The following PDE4A variants were observed in gnomAD, a reference collection of about 807,000 sequenced individuals.
PDE4A encodes phosphodiesterase 4A, also known as 3',5'-cyclic-AMP phosphodiesterase 4A.
A neutral mutation model predicts 73.9 loss-of-function variants in PDE4A; 21 were observed. The ratio of observed to expected loss-of-function variants is 0.28; its 90% confidence interval spans 0.20 to 0.41. The LOEUF is 0.41. Ranked by LOEUF, PDE4A falls within the 10% of genes least tolerant of loss-of-function variation. PDE4A has a pLI of 1.00. For synonymous variants in PDE4A, 463 were observed against 505.4 expected (o/e 0.92, Z 1.13); for missense variants, 958 against 1,211.4 (o/e 0.79, Z 3.10).
chr19:10,432,695 G>A (rs2042812109), intron 1 of PDE4A: 2 of 915,438 alleles, frequency 2.2e-6, no homozygotes, highest in African/African-American at 3.6e-5. Flanking sequence ...ATCTGGCTGG[G>A]GCCCCACCCC....
chr19:10,421,386 GCAGAA>G, intron 1 of PDE4A: 1 of 969,942 alleles, frequency 1.0e-6, no homozygotes, highest in Non-Finnish European at 1.2e-6. Flanking sequence ...TGGTGACAGT[GCAGAA>G]CAGCTGCTAA....
intron 10 of PDE4A, 64 bp downstream of exon 10, chr19:10,459,823 G>C: frequency 1.3e-6 from 2 of 1,525,084 alleles, no homozygotes; most frequent in Non-Finnish European, 8.9e-7. Context: ...TCAGCCTCCT[G>C]TGTGTCTCTC....
At chr19:10,427,729 C>G (rs2042735715) in intron 1 of PDE4A, 1 of 948,288 alleles carries the variant, frequency 1.1e-6, no homozygotes, top group African/African-American at 1.8e-5. Flanking sequence ...CCTTGGCTTC[C>G]CCGTCTCTGA....
chr19:10,421,061 C>A lies in PDE4A; in HGVS notation c.297C>A (p.Gly99=). Residue 99 remains glycine, a synonymous_variant, in exon 1 of 15, where the codon GGC becomes GGA. Transcript: ENST00000380702. The part of the protein sequence containing the change: ...SFHGTGTGSG[G]AGGGSSRRFE... Reference sequence around the variant, plus strand: ...ATGGCACTGGCACCGGCAGCGGCGGCGCGGGCGGAGGCAGCAGCAGGCGGT... The same window carrying A: ...ATGGCACTGGCACCGGCAGCGGCGGAGCGGGCGGAGGCAGCAGCAGGCGGT... 1 of 1,382,886 alleles carries A rather than the reference C, an allele frequency of 7.2e-7. No homozygotes were observed. Among genetic ancestry groups the A allele is most frequent in the Non-Finnish European group, 9.3e-7 (1 of 1,077,724 alleles). The allele number at this position is 1,382,886 out of a possible 1,614,324, so 85.7% of individuals were successfully genotyped here.
chr19:10,463,727 C>G, intron 13 of PDE4A, 66 bp from the exon 14 acceptor site: 1 of 1,590,706 alleles, frequency 6.3e-7, no homozygotes, highest in Non-Finnish European at 8.6e-7. Context: ...GAAGGAATGC[C>G]TGAGGTCTCA....
chr19:10,459,840 T>A, intron 10 of PDE4A, 81 bp downstream of exon 10: 1 of 1,442,658 alleles, frequency 6.9e-7, no homozygotes, highest in Non-Finnish European at 9.4e-7. Context: ...TCTCTGACCC[T>A]GTGTCTCTGA....
chr19:10,435,561 A>AACACACACACAC (rs35022243), intron 1 of PDE4A, among the ~76,000 whole-genome samples: 39 of 145,444 alleles, frequency 2.7e-4, no homozygotes, highest in African/African-American at 9.9e-4. Flanking sequence ...ACCCTGTATC[A>AACACACACACAC]ACACACACAC....
chr19:10,454,281 C>T (rs1407395533), intron 6 of PDE4A, among the ~76,000 whole-genome samples: 3 of 152,192 alleles, frequency 2.0e-5, no homozygotes, highest in Non-Finnish European at 4.4e-5. Context: ...CAGAGCTTGG[C>T]TACCACGTTC....
chr19:10,425,134 G>C (rs2042700807), intron 1 of PDE4A, among the ~76,000 whole-genome samples: 1 of 151,818 alleles, frequency 6.6e-6, no homozygotes, highest in South Asian at 2.1e-4. Context: ...TGAGGCAGGA[G>C]AATCGCTTGA....
At position 10,458,218 on chromosome 19, in the gene PDE4A, G is replaced by T. The variant is rs575536432; in HGVS notation, c.1101+116G>T. On this transcript the variant is annotated intron_variant, in intron 8 of 14. Coordinates refer to ENST00000380702, the MANE Select transcript of PDE4A (RefSeq NM_001111307.2). This position sits in a 1 kb window ranked among gnomAD's most constrained non-coding sequence, Gnocchi z 4.6. ...GTTTCCCAGAAGCAGAGCTTGAGAT[G>T]AGGGTTTGAGCCCATCTTGAGGCAA... The T allele has an allele frequency of 3.1e-6, 3 of 957,362 alleles. No homozygotes were observed. The highest frequency in any genetic ancestry group is 4.5e-5 in the Admixed American group (2 of 44,100). 59.3% of individuals were successfully genotyped at this position (957,362 alleles called of 1,614,324 possible).
intron 7 of PDE4A, among the ~76,000 whole-genome samples, chr19:10,455,391 G>C (rs899850140): frequency 3.3e-5 from 5 of 152,024 alleles, no homozygotes; most frequent in East Asian, 1.9e-4. Flanking sequence ...TTGAACCCAG[G>C]GGGTGGAGGT....
In PDE4A at chr19:10,420,740, T is replaced by G; in HGVS notation, c.-25T>G. ...GTAGGTTGGAAGGGCCAGGGCCCCC[T>G]GGGGCGCAAGTGGGGGCCGGCGCCA... On this transcript the variant is annotated 5_prime_UTR_variant, in exon 1 of 15. Transcript: ENST00000380702. This position sits in a 1 kb window ranked among gnomAD's most constrained non-coding sequence, Gnocchi z 6.0. The G allele has an allele frequency of 6.6e-7, 1 of 1,526,110 alleles. No homozygotes were observed. Among genetic ancestry groups the G allele is most frequent in the South Asian group, 1.2e-5 (1 of 81,242 alleles). 94.5% of individuals were successfully genotyped at this position (1,526,110 alleles called of 1,614,324 possible).
rs2043434755 is a variant in PDE4A at position 10,469,156 on chromosome 19, T to C, written c.*1535T>C. The C allele has an allele frequency of 6.6e-6, 1 of 152,514 alleles. No homozygotes were observed. Among genetic ancestry groups the C allele is most frequent in the Admixed American group, 6.5e-5 (1 of 15,278 alleles). The allele number at this position is 152,514 out of a possible 1,614,324, so 9.4% of individuals were successfully genotyped here. On this transcript the variant is annotated 3_prime_UTR_variant, in exon 15 of 15. Transcript: ENST00000380702. The stretch of plus-strand genomic sequence containing the variant: ...TCGGAGTGGGCCTTTTCTTTCTTTT[T>C]GTTCATTCTTTACCTTTTTTTCTTT...
At chr19:10,425,863 T>C (rs190854110) in intron 1 of PDE4A, among the ~76,000 whole-genome samples, 2 of 151,592 alleles carry the variant, frequency 1.3e-5, no homozygotes, top group Non-Finnish European at 2.9e-5. Context: ...GGTGCATGCC[T>C]GTAATCCCAG....
chr19:10,430,859 C>G (rs2066743689), intron 1 of PDE4A: 16 of 1,151,808 alleles, frequency 1.4e-5, no homozygotes, highest in East Asian at 4.2e-5. Flanking sequence ...CGCGGCCGCG[C>G]GGCCTAGGCC....
At chr19:10,417,259 G>A (rs2042597198), upstream of PDE4A, 1 of 985,006 alleles carries the variant, frequency 1.0e-6, no homozygotes, top group South Asian at 4.7e-5. Flanking sequence ...CGCTAGGGGT[G>A]GTGAGGTCTT....
chr19:10,445,713 A>G (rs1193918235), intron 1 of PDE4A, among the ~76,000 whole-genome samples: 1 of 146,788 alleles, frequency 6.8e-6, no homozygotes, highest in Admixed American at 6.9e-5. Context: ...GGTTGCAGTG[A>G]GCCAAGATCA....
upstream of PDE4A, chr19:10,417,015 G>A: frequency 6.5e-7 from 1 of 1,536,022 alleles, no homozygotes; most frequent in Non-Finnish European, 8.7e-7. Context: ...GCTTGGGCTA[G>A]GGGCGGGGCT....
chr19:10,446,900 C>CCTTTTTTT (rs1206812598), intron 2 of PDE4A, among the ~76,000 whole-genome samples: 3 of 149,260 alleles, frequency 2.0e-5, no homozygotes, highest in Admixed American at 6.7e-5. Context: ...GGCCTCAGTT[C>CCTTTTTTT]CTTTTTTTTT....
Sources: gnomAD v4.1 joint callset for allele counts (sites outside exome capture counted in the v4.1 genomes callset) on GRCh38, gnomAD v4.1.1 for gene constraint, Gnocchi (gnomAD v3.1) non-coding constraint, MANE v1.5 for transcripts, NCBI Gene and HGNC (gene_info 2026-07-23, HGNC 2026-07-21) for gene names.